DHRSX: variants seen among roughly 807,000 people sequenced by gnomAD.
The protein encoded by DHRSX is polyprenol dehydrogenase.
In DHRSX, 31 loss-of-function variants were observed where a neutral mutation model predicts 34.0. That is an observed-to-expected ratio of 0.91 (90% confidence interval 0.69 to 1.23). The LOEUF is 1.23. Ranked by LOEUF, DHRSX falls within the 50% of genes most tolerant of loss-of-function variation. The pLI, the probability that DHRSX is intolerant of heterozygous loss-of-function variation, is 0.00. For missense variants in DHRSX, 414 were observed against 428.1 expected (o/e 0.97, Z 0.29); for synonymous variants, 201 against 183.8 (o/e 1.09, Z -0.76).
At chrX:2,360,757 G>C (rs28537822) in intron 3 of DHRSX, among the ~76,000 whole-genome samples, 1 of 151,964 alleles carries the variant, frequency 6.6e-6, no homozygotes, top group Admixed American at 6.6e-5. Context: ...AGTTGGTACC[G>C]AGACACGGCC....
At chrX:2,310,681 C>G (rs1417024687) in intron 3 of DHRSX, among the ~76,000 whole-genome samples, 1 of 150,906 alleles carries the variant, frequency 6.6e-6, no homozygotes, top group East Asian at 2.0e-4. Context: ...AAGAGAGAGA[C>G]AGAGGGAGGA....
rs1300737592 is a variant in DHRSX, at chrX:2,447,801, C to T, written c.110-22497G>A. Among the ~76,000 whole-genome samples, 16 of 129,258 alleles carry T rather than the reference C, an allele frequency of 1.2e-4. 1 individual carries two copies. In the East Asian group the frequency reaches 3.2e-3, roughly 26 times the overall value. The allele number at this position is 129,258 out of a possible 152,430, so 84.8% of individuals were successfully genotyped here. ...GCACAGAGAGAATACCATATCATCT[C>T]GTATGTAGAATCTAAAAAAGCTGAA... On this transcript the variant is annotated intron_variant, in intron 1 of 6. Transcript: ENST00000334651.
Position 2,485,611 on chromosome X carries a change from A to AGAGG in DHRSX, c.109+15202_109+15205dup, listed in dbSNP as rs1491196925. ...GGAAGGGAGGGAGACAGGGAGGGAC[A>AGAGG]GAGGGAAGGAAGGAGGGAGGGAGGA... On this transcript the variant is annotated intron_variant, in intron 1 of 6. Transcript: ENST00000334651. 1.4e-4 allele frequency among the ~76,000 whole-genome samples: 15 copies of AGAGG among 106,232 alleles called. 1 individual carries two copies. The South Asian group carries it at 6.3e-3, about 45-fold the overall frequency. 69.7% of individuals were successfully genotyped at this position (106,232 alleles called of 152,430 possible). A position where few individuals can be genotyped will look rare whatever the true frequency, so the allele number is the denominator to read the frequency against.
chrX:2,348,015 C>T (rs1189307392), intron 3 of DHRSX, among the ~76,000 whole-genome samples: 5 of 152,298 alleles, frequency 3.3e-5, no homozygotes, highest in South Asian at 4.1e-4. Context: ...GCAGTGCCAA[C>T]GGCTGGAAAT....
rs146030621 is a variant in DHRSX at position 2,460,647 on chromosome X, G to A, written c.110-35343C>T. On this transcript the variant is annotated intron_variant, in intron 1 of 6. Coordinates refer to ENST00000334651, the MANE Select transcript of DHRSX (RefSeq NM_145177.3). ...TGCACAGGCTGGAGTGCAGTGGTGC[G>A]ATCACGTTTCACAGCAGCCTCCAAC... Among the ~76,000 whole-genome samples the A allele has an allele frequency of 7.7e-4, 116 of 150,220 alleles. 2 individuals carry two copies. In the East Asian group the frequency reaches 0.021, roughly 28 times the overall value.
intron 3 of DHRSX, among the ~76,000 whole-genome samples, chrX:2,314,191 AGGAG>A (rs2042197935): frequency 1.1e-5 from 1 of 90,520 alleles, no homozygotes; most frequent in African/African-American, 4.5e-5. Flanking sequence ...GAAGGAGGGA[AGGAG>A]GGAAGGAAGA....
intron 5 of DHRSX, among the ~76,000 whole-genome samples, chrX:2,250,221 G>A (rs895981899): frequency 9.9e-5 from 15 of 151,626 alleles, no homozygotes; most frequent in South Asian, 8.3e-4. Flanking sequence ...GCTGGGTGCA[G>A]TGGCTCACAT....
At chrX:2,441,127 G>C (rs2044057253) in intron 1 of DHRSX, among the ~76,000 whole-genome samples, 1 of 152,188 alleles carries the variant, frequency 6.6e-6, no homozygotes, top group Non-Finnish European at 1.5e-5. Context: ...GTCAGTCCCA[G>C]GGTGCAATGA....
At chrX:2,337,430 ACTG>A (rs2042582551) in intron 3 of DHRSX, among the ~76,000 whole-genome samples, 1 of 152,192 alleles carries the variant, frequency 6.6e-6, no homozygotes, top group Admixed American at 6.6e-5. Flanking sequence ...ATATAAAATT[ACTG>A]CTAATAGAAA....
In DHRSX at chrX:2,243,269, C is replaced by T. The variant is rs187338735; in HGVS notation, c.597-39G>A. The T allele has an allele frequency of 2.1e-3, 3,283 of 1,574,736 alleles. 13 individuals carry two copies. The highest frequency in any genetic ancestry group is 0.012 in the African/African-American group (885 of 74,330). On this transcript the variant is annotated intron_variant, in intron 5 of 6. Coordinates refer to ENST00000334651, the MANE Select transcript of DHRSX (RefSeq NM_145177.3). ...AGGAGAAGGTGTAAGAGGCTGACGG[C>T]GTTCACGCCTAAGTGCTTCATCCCA...
Position 2,243,125 on chromosome X carries a change from G to A in DHRSX, c.702C>T (p.Thr234=), listed in dbSNP as rs144411023. ...CCACCCCGGGGTCCACCACGTTGGCGGTCACGTGGCTTCCCTCAGCCGCCA... is the reference window on the plus strand; with the variant it reads ...CCACCCCGGGGTCCACCACGTTGGCAGTCACGTGGCTTCCCTCAGCCGCCA... The part of the protein sequence containing the change: ...RLLAAEGSHV[T]ANVVDPGVVN... The change falls in exon 6 of 7, where the codon ACC becomes ACT. Residue 234 remains threonine, a synonymous_variant. Coordinates refer to ENST00000334651, the MANE Select transcript of DHRSX (RefSeq NM_145177.3). 4.8e-5 allele frequency: 77 copies of A among 1,613,762 alleles called. No homozygotes were observed. Among genetic ancestry groups the A allele is most frequent in the Admixed American group, 6.7e-5 (4 of 59,976 alleles).
intron 3 of DHRSX, among the ~76,000 whole-genome samples, chrX:2,373,595 G>A (rs1388439269): frequency 6.6e-6 from 1 of 152,140 alleles, no homozygotes; most frequent in Non-Finnish European, 1.5e-5. Context: ...CTGCAGTGCC[G>A]CTGAACCGAG....
intron 6 of DHRSX, among the ~76,000 whole-genome samples, chrX:2,234,733 C>T (rs918001467): frequency 4.6e-5 from 7 of 152,146 alleles, no homozygotes; most frequent in Non-Finnish European, 7.4e-5. Flanking sequence ...TTTTTTGAGA[C>T]GGAGTCTCAC....
chrX:2,246,928 G>T (rs1441043473), intron 5 of DHRSX, among the ~76,000 whole-genome samples: 2 of 151,832 alleles, frequency 1.3e-5, no homozygotes, highest in South Asian at 2.1e-4. Context: ...GATACCACTG[G>T]GGAACAGAGA....
At chrX:2,343,871 C>G (rs1462599003) in intron 3 of DHRSX, among the ~76,000 whole-genome samples, 1 of 152,190 alleles carries the variant, frequency 6.6e-6, no homozygotes, top group East Asian at 1.9e-4. Context: ...GGTTGCAATA[C>G]TGACTGACTT....
intron 5 of DHRSX, among the ~76,000 whole-genome samples, chrX:2,266,265 T>C (rs1471232684): frequency 0.019 from 787 of 42,490 alleles, no homozygotes; most frequent in Middle Eastern, 0.023. Context: ...AGCACTGTCC[T>C]CAGAGCACCG....
At chrX:2,329,452 A>G (rs1257988700) in intron 3 of DHRSX, among the ~76,000 whole-genome samples, 3 of 152,126 alleles carry the variant, frequency 2.0e-5, no homozygotes, top group Non-Finnish European at 4.4e-5. Context: ...AGCTGGGCCC[A>G]TCACCAACAA....
At chrX:2,432,109 G>A (rs1174356492) in intron 1 of DHRSX, among the ~76,000 whole-genome samples, 3 of 152,062 alleles carry the variant, frequency 2.0e-5, no homozygotes, top group African/African-American at 4.8e-5. Flanking sequence ...CAGGAGGATC[G>A]CTTGAACCCG....
intron 3 of DHRSX, among the ~76,000 whole-genome samples, chrX:2,365,956 T>C (rs888159781): frequency 2.0e-5 from 3 of 152,160 alleles, no homozygotes; most frequent in African/African-American, 2.4e-5. Context: ...TAGCGTTCTA[T>C]GAACCCCCTC....
Sources: gnomAD v4.1 joint callset for allele counts (sites outside exome capture counted in the v4.1 genomes callset) on GRCh38, gnomAD v4.1.1 for gene constraint, MANE v1.5 for transcripts, NCBI Gene and HGNC (gene_info 2026-07-23, HGNC 2026-07-21) for gene names.